Variants in ZNF81 observed in about 807,000 individuals in gnomAD.
ZNF81 encodes the protein zinc finger protein 81, also known as zinc finger protein 81 (HFZ20).
Under a neutral mutation model 32.3 loss-of-function variants are expected in ZNF81, and 5 were observed. The ratio of observed to expected loss-of-function variants is 0.15; its 90% confidence interval spans 0.08 to 0.33. The LOEUF is 0.33. ZNF81 is among the 10% of genes least tolerant of loss of function. The pLI, the probability that ZNF81 is intolerant of heterozygous loss-of-function variation, is 1.00. For synonymous variants in ZNF81, 163 were observed against 166.8 expected, an observed-to-expected ratio of 0.98 and a Z score of 0.17; for missense variants, 379 against 479.8, an observed-to-expected ratio of 0.79 and a Z score of 1.96.
At chrX:47,913,658 T>C (rs1183628755) in intron 4 of ZNF81, among the ~76,000 whole-genome samples, 1 of 112,381 alleles carries the variant, frequency 8.9e-6, no homozygotes, top group Non-Finnish European at 1.9e-5. Flanking sequence ...CACTTAAATT[T>C]GTAGTTATCA....
rs1222774915 is a variant in ZNF81 at position 47,855,822 on chromosome X, G to A, written c.54+9501G>A. Among the ~76,000 whole-genome samples the A allele has an allele frequency of 6.4e-5, 7 of 110,098 alleles. No individual in the cohort carries two copies. In the Admixed American group the frequency reaches 6.8e-4, roughly 11 times the overall value. On this transcript the variant is annotated intron_variant, in intron 2 of 4. Transcript: ENST00000338637. Reference sequence around the variant, plus strand: ...CCAGCACTTAGAGAAGCCGAGGCAGGTGGATCACTTGAGGTCAGGAGTTTG... The same window carrying A: ...CCAGCACTTAGAGAAGCCGAGGCAGATGGATCACTTGAGGTCAGGAGTTTG...
Position 47,846,145 on chromosome X carries a change from C to T in ZNF81, c.-123C>T, listed in dbSNP as rs782493723. The T allele has an allele frequency of 5.6e-5, 47 of 832,743 alleles. No individual in the cohort carries two copies. In the African/African-American group the frequency reaches 8.7e-4, roughly 15 times the overall value. 68.6% of individuals were successfully genotyped at this position (832,743 alleles called of 1,213,427 possible). The stretch of plus-strand genomic sequence containing the variant: ...TGCGGAGTCCCTGGGCCAGATCTCA[C>T]AGTGAAAGCTGCAGGATCTTCCTTC... On this transcript the variant is annotated 5_prime_UTR_variant, in exon 2 of 5. It introduces an in-frame stop codon into an upstream open reading frame of the 5' UTR. Transcript: ENST00000338637.
chrX:47,841,550 C>T (rs1556879774), intron 1 of ZNF81: 2 of 965,837 alleles, frequency 2.1e-6, no homozygotes, highest in East Asian at 3.0e-5. Context: ...TGATTCCAGT[C>T]ACTTAAACCT....
At chrX:47,900,428 A>C (rs1301977767) in intron 4 of ZNF81, among the ~76,000 whole-genome samples, 5 of 111,840 alleles carry the variant, frequency 4.5e-5, no homozygotes, top group African/African-American at 1.6e-4. Flanking sequence ...TTTGACCCAT[A>C]CTTCACATCC....
intron 4 of ZNF81, among the ~76,000 whole-genome samples, chrX:47,897,470 T>C (rs782390639): frequency 1.3e-4 from 15 of 112,296 alleles, no homozygotes; most frequent in Non-Finnish European, 1.9e-5. Context: ...TTGCCAGATA[T>C]ATGTATTGCT....
Position 47,916,666 on chromosome X carries a change from T to C in ZNF81, c.*34T>C. Reference sequence around the variant, plus strand: ...CTGTTTCTTGAAAATGAGAGCCTTATAAGGCTGACAAAAGTCAGGTCTAAC... The same window carrying C: ...CTGTTTCTTGAAAATGAGAGCCTTACAAGGCTGACAAAAGTCAGGTCTAAC... On this transcript the variant is annotated 3_prime_UTR_variant, in exon 5 of 5. Transcript: ENST00000338637. 8.5e-7 allele frequency: 1 copy of C among 1,174,099 alleles called. No homozygotes were observed. Among genetic ancestry groups the C allele is most frequent in the East Asian group, 3.0e-5 (1 of 33,232 alleles).
chrX:47,885,377 A>T (rs1272188692), intron 2 of ZNF81, among the ~76,000 whole-genome samples: 3 of 112,070 alleles, frequency 2.7e-5, no homozygotes, highest in South Asian at 3.7e-4. Context: ...CATTATTTTT[A>T]AAAATACCTT....
At position 47,855,894 on chromosome X, in the gene ZNF81, C is replaced by T. The variant is rs782202670; in HGVS notation, c.54+9573C>T. On this transcript the variant is annotated intron_variant, in intron 2 of 4. Coordinates refer to ENST00000338637, the MANE Select transcript of ZNF81 (RefSeq NM_007137.5). ...TGAAACTCTGTGTCTACTAAAAATA[C>T]AAAAATTAGCCAGGCGTGATGGTGC... Among the ~76,000 whole-genome samples the T allele has an allele frequency of 5.6e-5, 6 of 107,945 alleles. No homozygotes were observed. In the South Asian group the frequency reaches 2.0e-3, roughly 36 times the overall value. 93.7% of individuals were successfully genotyped at this position (107,945 alleles called of 115,157 possible).
At chrX:47,905,138 C>T (rs2058716082) in intron 4 of ZNF81, among the ~76,000 whole-genome samples, 1 of 108,854 alleles carries the variant, frequency 9.2e-6, no homozygotes, top group Non-Finnish European at 1.9e-5. Flanking sequence ...GGGTGTAGCA[C>T]ACCAACATGG....
intron 2 of ZNF81, among the ~76,000 whole-genome samples, chrX:47,862,373 A>T (rs2058543988): frequency 9.1e-6 from 1 of 109,360 alleles, no homozygotes; most frequent in Non-Finnish European, 1.9e-5. Flanking sequence ...ACAAAAAAAA[A>T]TTAGCCGGGC....
chrX:47,900,826 C>G (rs2058695784), intron 4 of ZNF81, among the ~76,000 whole-genome samples: 1 of 111,535 alleles, frequency 9.0e-6, no homozygotes, highest in South Asian at 3.7e-4. Flanking sequence ...CAGCCAGAGA[C>G]TTAGGCAGAT....
chrX:47,891,061 T>C (rs1262051062), intron 3 of ZNF81, among the ~76,000 whole-genome samples: 2 of 112,288 alleles, frequency 1.8e-5, no homozygotes, highest in African/African-American at 6.5e-5. Flanking sequence ...GGAAAGGTGA[T>C]CAAGATGCCT....
chrX:47,859,814 C>T (rs781929848), intron 2 of ZNF81, among the ~76,000 whole-genome samples: 1 of 111,340 alleles, frequency 9.0e-6, no homozygotes, highest in African/African-American at 3.3e-5. Flanking sequence ...TACAGGGTGA[C>T]GTGAAGAGAG....
chrX:47,847,073 C>T (rs1419338803), intron 2 of ZNF81, among the ~76,000 whole-genome samples: 1 of 112,198 alleles, frequency 8.9e-6, no homozygotes, highest in East Asian at 2.8e-4. Context: ...TGTTAAATCT[C>T]CTTTCTATAT....
At chrX:47,839,414 A>G (rs902478964) in intron 1 of ZNF81, among the ~76,000 whole-genome samples, 37 of 112,005 alleles carry the variant, frequency 3.3e-4, no homozygotes, top group Non-Finnish European at 4.9e-4. Flanking sequence ...GAGTGCCAAC[A>G]TAATGCCACA....
chrX:47,888,306 A>G (rs1556886110), intron 3 of ZNF81, 181 bp downstream of exon 3: 9 of 600,021 alleles, frequency 1.5e-5, no homozygotes, highest in Non-Finnish European at 2.3e-5. Flanking sequence ...TTAATCTAAT[A>G]TAATTGGTGT....
At chrX:47,853,324 G>A (rs1222584843) in intron 2 of ZNF81, among the ~76,000 whole-genome samples, 1 of 109,725 alleles carries the variant, frequency 9.1e-6, no homozygotes, top group Non-Finnish European at 1.9e-5. Flanking sequence ...TGGGACTACA[G>A]ACACACGCCA....
At position 47,924,321 on chromosome X, in the gene ZNF81, T is replaced by G. The variant is rs2058785282; in HGVS notation, c.*7689T>G. Among the ~76,000 whole-genome samples the G allele has an allele frequency of 8.9e-6, 1 of 112,247 alleles. No homozygotes were observed. Among genetic ancestry groups the G allele is most frequent in the Admixed American group, 9.5e-5 (1 of 10,580 alleles). ...TAAGAAGTCTTAGACAAACTTGCTC[T>G]CTTTTTTCTTGTATATAATGTGCCT... is the stretch of plus-strand genomic sequence containing the variant. On this transcript the variant is annotated 3_prime_UTR_variant, in exon 5 of 5. Transcript: ENST00000338637.
At chrX:47,881,808 C>T (rs1256843701) in intron 2 of ZNF81, among the ~76,000 whole-genome samples, 1 of 110,043 alleles carries the variant, frequency 9.1e-6, no homozygotes, top group Non-Finnish European at 1.9e-5. Context: ...CAGGGTCTCA[C>T]TCTGTCACTC....
Sources: gnomAD v4.1 joint callset for allele counts (sites outside exome capture counted in the v4.1 genomes callset) on GRCh38, gnomAD v4.1.1 for gene constraint, MANE v1.5 for transcripts, NCBI Gene and HGNC (gene_info 2026-07-23, HGNC 2026-07-21) for gene names.